PCDHA1: variants seen among roughly 807,000 people sequenced by gnomAD.
The protein encoded by PCDHA1 is protocadherin alpha-1.
In PCDHA1, 42 loss-of-function variants were observed where a neutral mutation model predicts 61.3. The ratio of observed to expected loss-of-function variants is 0.69; its 90% CI spans 0.54 to 0.89. The LOEUF (loss-of-function observed/expected upper bound fraction) is 0.89. PCDHA1 is among the 40% of genes least tolerant of loss of function. The pLI is 0.00. For missense variants in PCDHA1, 1,256 were observed against 1,235.3 expected, an observed-to-expected ratio of 1.02 and a Z score of -0.25; for synonymous variants, 610 against 553.8, an observed-to-expected ratio of 1.10 and a Z score of -1.43.
At chr5:140,996,190 C>T (rs2097716017) in intron 3 of PCDHA1, among the ~76,000 whole-genome samples, 1 of 152,200 alleles carries the variant, frequency 6.6e-6, no homozygotes, top group African/African-American at 2.4e-5. Flanking sequence ...CCATTTTATA[C>T]CCTCAATGCA....
intron 1 of PCDHA1, chr5:140,835,544 C>T (rs1773719176): frequency 2.5e-6 from 4 of 1,613,968 alleles, no homozygotes; most frequent in South Asian, 2.2e-5. Flanking sequence ...AGGTTACCTG[C>T]TCCCTGACGC....
chr5:141,001,245 C>G (rs1554258043), intron 3 of PCDHA1, among the ~76,000 whole-genome samples: 2 of 152,082 alleles, frequency 1.3e-5, no homozygotes, highest in Non-Finnish European at 2.9e-5. Context: ...TAAATCAACC[C>G]TATGGGGCGG....
intron 1 of PCDHA1, chr5:140,927,345 C>G (rs1391320223): frequency 1.2e-6 from 2 of 1,614,012 alleles, no homozygotes. Context: ...CCCAAGATGA[C>G]GACGAGGGAA....
intron 1 of PCDHA1, among the ~76,000 whole-genome samples, chr5:140,855,693 A>G (rs2043577719): frequency 6.7e-6 from 1 of 149,800 alleles, no homozygotes; most frequent in African/African-American, 2.5e-5. Context: ...TTAAGAAAAC[A>G]TTGCACGTGG....
chr5:140,876,478 G>A (rs782344970), intron 1 of PCDHA1: 1 of 1,614,032 alleles, frequency 6.2e-7, no homozygotes. Flanking sequence ...TCACAGCATG[G>A]TCCTGGTGGA....
intron 1 of PCDHA1, chr5:140,869,830 G>A: frequency 1.2e-6 from 2 of 1,611,658 alleles, no homozygotes; most frequent in Non-Finnish European, 1.7e-6. Flanking sequence ...TCCAGAGTTT[G>A]ATAAATCAGA....
intron 1 of PCDHA1, chr5:140,824,349 T>C (rs1288937834): frequency 3.4e-6 from 2 of 588,082 alleles, no homozygotes; most frequent in Admixed American, 3.5e-5. Flanking sequence ...TTTAAAATAA[T>C]ATTTTATATT....
Position 140,858,257 on chromosome 5 carries a change from C to CTG in PCDHA1, c.2394+69574_2394+69575dup, listed in dbSNP as rs1554151340. 2 of 1,596,552 alleles carry CTG rather than the reference C, an allele frequency of 1.3e-6. 1 individual carries two copies. Among genetic ancestry groups the CTG allele is most frequent in the African/African-American group, 2.7e-5 (2 of 74,280 alleles). ...CGCATGTGGGCCGGTGAAGCCCACGCTGGTGTGCTCTAGCGCGGTGGGGAG... is the reference window on the plus strand; with the variant it reads ...CGCATGTGGGCCGGTGAAGCCCACGCTGTGGTGTGCTCTAGCGCGGTGGGGAG... On this transcript the variant is annotated intron_variant, in intron 1 of 3. Coordinates refer to ENST00000504120, the MANE Select transcript of PCDHA1 (RefSeq NM_018900.4).
chr5:140,996,478 A>C (rs1241472780), intron 3 of PCDHA1, among the ~76,000 whole-genome samples: 1 of 152,214 alleles, frequency 6.6e-6, no homozygotes, highest in East Asian at 1.9e-4. Flanking sequence ...AGTAGTGCTC[A>C]GGCCTGGGCA....
chr5:140,827,842 A>G (rs1769428181), intron 1 of PCDHA1: 1 of 458,490 alleles, frequency 2.2e-6, no homozygotes, highest in Non-Finnish European at 3.7e-6. Flanking sequence ...AAAAGAAGAT[A>G]CTGTTTTAAA....
intron 3 of PCDHA1, among the ~76,000 whole-genome samples, chr5:141,003,892 C>T (rs1401621234): frequency 6.6e-6 from 1 of 152,124 alleles, no homozygotes; most frequent in South Asian, 2.1e-4. Context: ...TCTTAACAGG[C>T]CCATTCATTT....
At chr5:140,959,548 A>G (rs1554224134) in intron 1 of PCDHA1, among the ~76,000 whole-genome samples, 2 of 152,194 alleles carry the variant, frequency 1.3e-5, no homozygotes, top group Non-Finnish European at 2.9e-5. Flanking sequence ...ATGCTGTATA[A>G]ATAGAATCAG....
chr5:140,856,178 G>T lies in PCDHA1; in HGVS notation c.2394+67494G>T, dbSNP rs782689818. ...CGAGGAGGCCAGACACGGCACCTTC[G>T]TGGGCCGCATCGCGCAGGACCTGGG... is the stretch of plus-strand genomic sequence containing the variant. On this transcript the variant is annotated intron_variant, in intron 1 of 3. Coordinates refer to ENST00000504120, the MANE Select transcript of PCDHA1 (RefSeq NM_018900.4). 6.3e-6 allele frequency: 10 copies of T among 1,598,138 alleles called. 2 individuals are homozygous for T. Among genetic ancestry groups the T allele is most frequent in the Non-Finnish European group, 8.6e-6 (10 of 1,167,922 alleles).
intron 1 of PCDHA1, chr5:140,857,954 C>G: frequency 6.3e-7 from 1 of 1,597,286 alleles, no homozygotes; most frequent in South Asian, 1.1e-5. Flanking sequence ...GACGCGCGCT[C>G]TGGATGAGAC....
At chr5:140,836,252 C>T (rs2150256494) in intron 1 of PCDHA1, 2 of 1,613,762 alleles carry the variant, frequency 1.2e-6, no homozygotes, top group Admixed American at 1.7e-5. Context: ...TCCCGTTCCG[C>T]GTGGGGCTGT....
In PCDHA1 at chr5:140,856,944, G is replaced by A; in HGVS notation, c.2394+68260G>A. Reference sequence around the variant, plus strand: ...AAATTTTGGATAAACGAAAGGACGGGAGAAATAAAAGTAAATGATGCTATT... The same window carrying A: ...AAATTTTGGATAAACGAAAGGACGGAAGAAATAAAAGTAAATGATGCTATT... On this transcript the variant is annotated intron_variant, in intron 1 of 3. Transcript: ENST00000504120. 1.9e-6 allele frequency: 3 copies of A among 1,593,674 alleles called. 1 individual carries two copies. The highest frequency in any genetic ancestry group is 2.6e-6 in the Non-Finnish European group (3 of 1,163,664).
chr5:140,807,311 G>A, intron 1 of PCDHA1: 1 of 1,614,084 alleles, frequency 6.2e-7, no homozygotes, highest in Non-Finnish European at 8.5e-7. Context: ...GGCCAAACAC[G>A]GCACCTTCGT....
chr5:140,820,669 G>A (rs1256170488), intron 1 of PCDHA1, among the ~76,000 whole-genome samples: 1 of 151,954 alleles, frequency 6.6e-6, no homozygotes, highest in African/African-American at 2.4e-5. Flanking sequence ...CTAATATAAA[G>A]ATAGCCTGGT....
intron 1 of PCDHA1, among the ~76,000 whole-genome samples, chr5:140,820,804 T>A (rs1374149059): frequency 6.6e-6 from 1 of 152,102 alleles, no homozygotes; most frequent in Non-Finnish European, 1.5e-5. Flanking sequence ...GTATGTATTT[T>A]ACAATTTTTA....
Sources: allele counts gnomAD v4.1 joint callset (sites outside exome capture counted in the v4.1 genomes callset), GRCh38; gene constraint gnomAD v4.1.1; transcripts MANE v1.5; gene names NCBI Gene and HGNC (gene_info 2026-07-23, HGNC 2026-07-21).